UGT1A4: variants seen among roughly 807,000 people sequenced by gnomAD.
The protein encoded by UGT1A4 is UDP glucuronosyltransferase family 1 member A4.
A neutral mutation model predicts 41.1 loss-of-function variants in UGT1A4; 32 were observed. The observed-to-expected ratio is 0.78, with a 90% CI of 0.59 to 1.05. UGT1A4 has a LOEUF of 1.05. Among genes scored for constraint, UGT1A4 ranks in the 50% least tolerant of loss-of-function variants. The pLI is 0.00. For synonymous variants in UGT1A4, 283 were observed against 265.1 expected (o/e 1.07, Z -0.66); for missense variants, 748 against 677.4 (o/e 1.10, Z -1.16).
At chr2:233,759,226 A>C (rs1435521106) in intron 1 of UGT1A4, among the ~76,000 whole-genome samples, 2 of 152,174 alleles carry the variant, frequency 1.3e-5, no homozygotes, top group African/African-American at 4.8e-5. Flanking sequence ...TATGCAAATG[A>C]AGGATGGAAA....
At chr2:233,758,427 T>A (rs1366242338) in intron 1 of UGT1A4, among the ~76,000 whole-genome samples, 1 of 152,228 alleles carries the variant, frequency 6.6e-6, no homozygotes, top group African/African-American at 2.4e-5. Flanking sequence ...GCAAATGAAC[T>A]CACACAGCAT....
intron 1 of UGT1A4, chr2:233,754,765 T>C (rs1277866100): frequency 2.0e-6 from 2 of 992,196 alleles, no homozygotes; most frequent in African/African-American, 1.7e-5. Context: ...AGGCCCCCAC[T>C]TCCCAGGGAG....
rs367562116 is a variant in UGT1A4, at chr2:233,765,371, G to A, written c.868-1663G>A. On this transcript the variant is annotated intron_variant, in intron 1 of 4. Coordinates refer to ENST00000373409, the MANE Select transcript of UGT1A4 (RefSeq NM_007120.3). Reference sequence around the variant, plus strand: ...GGAACCAACCCAGATGCCCATCAATGGTAGATTGGATAAAGAAAATGTGGT... The same window carrying A: ...GGAACCAACCCAGATGCCCATCAATAGTAGATTGGATAAAGAAAATGTGGT... Among the ~76,000 whole-genome samples, 7 of 152,230 alleles carry A rather than the reference G, an allele frequency of 4.6e-5. No homozygotes were observed. In the South Asian group the frequency reaches 1.0e-3, roughly 23 times the overall value.
chr2:233,744,894 A>G (rs1692956902), intron 1 of UGT1A4, among the ~76,000 whole-genome samples: 1 of 151,908 alleles, frequency 6.6e-6, no homozygotes, highest in Non-Finnish European at 1.5e-5. Flanking sequence ...CCTCCTCTCC[A>G]TACCAAAATC....
At chr2:233,764,343 C>T (rs1313396621) in intron 1 of UGT1A4, among the ~76,000 whole-genome samples, 1 of 152,116 alleles carries the variant, frequency 6.6e-6, no homozygotes. Context: ...TGGACTTCAC[C>T]TTTATTGAGC....
intron 1 of UGT1A4, among the ~76,000 whole-genome samples, chr2:233,722,564 C>G (rs2077023248): frequency 6.6e-6 from 1 of 152,184 alleles, no homozygotes; most frequent in Non-Finnish European, 1.5e-5. Flanking sequence ...TGATTTGTAG[C>G]TGCTTTTGCA....
rs1699951118 is a variant in UGT1A4, at chr2:233,769,835, G to A, written c.1307+1396G>A. The A allele has an allele frequency of 3.1e-6, 2 of 640,066 alleles. No individual in the cohort carries two copies. The highest frequency in any genetic ancestry group is 2.3e-6 in the Non-Finnish European group (1 of 426,370). The allele number at this position is 640,066 out of a possible 1,614,324, so 39.6% of individuals were successfully genotyped here. A position where few individuals can be genotyped will look rare whatever the true frequency, so the allele number is the denominator to read the frequency against. On this transcript the variant is annotated intron_variant, in intron 4 of 4. Coordinates refer to ENST00000373409, the MANE Select transcript of UGT1A4 (RefSeq NM_007120.3). The surrounding 1 kb of genome is among the most constrained non-coding windows in gnomAD (Gnocchi z 4.4). ...ATGCCACTGCACTCCAGCAACCTGG[G>A]CAACAGAGTGAGACCCTGTCTCAAA...
At chr2:233,724,928 A>C (rs2125707606) in intron 1 of UGT1A4, among the ~76,000 whole-genome samples, 1 of 142,602 alleles carries the variant, frequency 7.0e-6, no homozygotes, top group South Asian at 2.5e-4. Context: ...TGAGTGAACG[A>C]GACTCCGTCT....
In UGT1A4 at chr2:233,769,922, G is replaced by A. The variant is rs1699984157; in HGVS notation, c.1307+1483G>A. On this transcript the variant is annotated intron_variant, in intron 4 of 4. Coordinates refer to ENST00000373409, the MANE Select transcript of UGT1A4 (RefSeq NM_007120.3). The surrounding 1 kb of genome is among the most constrained non-coding windows in gnomAD (Gnocchi z 4.4). ...CATCATGTGCCCAGAGCGTTGGGTG[G>A]TGTGGTCCCATTCCTTCCTTCCAGC... 2 of 270,870 alleles carry A rather than the reference G, an allele frequency of 7.4e-6. No homozygotes were observed. The highest frequency in any genetic ancestry group is 1.5e-4 in the South Asian group (2 of 13,602). 16.8% of individuals were successfully genotyped at this position (270,870 alleles called of 1,614,324 possible). A position where few individuals can be genotyped will look rare whatever the true frequency, so the allele number is the denominator to read the frequency against.
intron 1 of UGT1A4, chr2:233,743,924 G>A: frequency 1.5e-6 from 2 of 1,361,192 alleles, no homozygotes; most frequent in East Asian, 4.6e-5. Flanking sequence ...CATGCTGGAT[G>A]GCCAGAACGG....
At chr2:233,759,284 T>G (rs1280598347) in intron 1 of UGT1A4, among the ~76,000 whole-genome samples, 1 of 152,192 alleles carries the variant, frequency 6.6e-6, no homozygotes, top group Non-Finnish European at 1.5e-5. Flanking sequence ...GATTGGTTGA[T>G]GAAGCTGAGC....
At chr2:233,754,376 GACAA>G in intron 1 of UGT1A4, 1 of 288,532 alleles carries the variant, frequency 3.5e-6, no homozygotes, top group Non-Finnish European at 6.7e-6. Context: ...ATGATCGAAA[GACAA>G]ACAGAGGTCC....
intron 1 of UGT1A4, among the ~76,000 whole-genome samples, chr2:233,758,114 C>T (rs192892910): frequency 7.9e-5 from 12 of 152,298 alleles, no homozygotes; most frequent in South Asian, 2.1e-4. Context: ...AGGGCTCACA[C>T]GTTCCATAAA....
At chr2:233,747,568 A>G in intron 1 of UGT1A4, 5 of 1,592,710 alleles carry the variant, frequency 3.1e-6, no homozygotes, top group Non-Finnish European at 3.4e-6. Flanking sequence ...ATTTTGAAAA[A>G]TTCATCTTTG....
intron 1 of UGT1A4, among the ~76,000 whole-genome samples, chr2:233,744,268 G>C (rs975143580): frequency 2.0e-5 from 3 of 151,806 alleles, no homozygotes; most frequent in African/African-American, 7.3e-5. Context: ...TTTTCTTAAA[G>C]TAGGCTTTAT....
chr2:233,755,460 GC>G, intron 1 of UGT1A4: 1 of 281,180 alleles, frequency 3.6e-6, no homozygotes, highest in South Asian at 3.7e-5. Context: ...GACTGGCCCT[GC>G]TCTCTGTGAG....
intron 4 of UGT1A4, 91 bp downstream of exon 4, chr2:233,768,530 CGTT>C (rs2126039098): frequency 2.0e-6 from 3 of 1,496,416 alleles, no homozygotes; most frequent in African/African-American, 1.4e-5. Flanking sequence ...CATTTAATAG[CGTT>C]GTTTCAAATA....
intron 1 of UGT1A4, among the ~76,000 whole-genome samples, chr2:233,733,320 C>T (rs2078379887): frequency 6.6e-6 from 1 of 152,134 alleles, no homozygotes; most frequent in African/African-American, 2.4e-5. Flanking sequence ...TGCCTGATTG[C>T]CCTGGCCAGA....
chr2:233,733,312 C>T, intron 1 of UGT1A4, among the ~76,000 whole-genome samples: 1 of 152,116 alleles, frequency 6.6e-6, no homozygotes, highest in Non-Finnish European at 1.5e-5. Context: ...CTTTCTCTTG[C>T]CTGATTGCCC....
Sources: gnomAD v4.1 joint callset for allele counts (sites outside exome capture counted in the v4.1 genomes callset) on GRCh38, gnomAD v4.1.1 for gene constraint, Gnocchi (gnomAD v3.1) non-coding constraint, MANE v1.5 for transcripts, NCBI Gene and HGNC (gene_info 2026-07-23, HGNC 2026-07-21) for gene names.